RALYL: variants seen among roughly 807,000 people sequenced by gnomAD.
RALYL encodes RNA-binding Raly-like protein.
In RALYL, 29 loss-of-function variants were observed where a neutral mutation model predicts 35.1. The observed-to-expected ratio is 0.83, with a 90% confidence interval of 0.61 to 1.13. RALYL has a LOEUF of 1.13. Ranked by LOEUF, RALYL falls within the 50% of genes most tolerant of loss-of-function variation. RALYL has a pLI of 0.00. For missense variants in RALYL, 359 were observed against 360.4 expected, an observed-to-expected ratio of 1.00 and a Z score of 0.03; for synonymous variants, 120 against 127.6, an observed-to-expected ratio of 0.94 and a Z score of 0.40.
chr8:84,622,573 G>A (rs1171029306), intron 2 of RALYL, among the ~76,000 whole-genome samples: 1 of 152,128 alleles, frequency 6.6e-6, no homozygotes, highest in Non-Finnish European at 1.5e-5. Context: ...CAGGGATCAG[G>A]ACAACGCTCC....
At chr8:84,455,829 T>C (rs1253284129) in intron 1 of RALYL, among the ~76,000 whole-genome samples, 4 of 152,042 alleles carry the variant, frequency 2.6e-5, no homozygotes, top group Non-Finnish European at 5.9e-5. Flanking sequence ...CTTGGGAATT[T>C]ATTTTTCCTG....
At chr8:84,419,561 T>C (rs1185403167) in intron 1 of RALYL, among the ~76,000 whole-genome samples, 1 of 152,116 alleles carries the variant, frequency 6.6e-6, no homozygotes, top group East Asian at 1.9e-4. Flanking sequence ...TTTTTATTAT[T>C]ATACATTAAG....
chr8:84,916,061 T>C (rs1452926988), intron 8 of RALYL, among the ~76,000 whole-genome samples: 1 of 152,076 alleles, frequency 6.6e-6, no homozygotes, highest in Admixed American at 6.6e-5. Context: ...TTTTATTTTC[T>C]TTCCTAAAAC....
chr8:84,449,788 T>C lies in RALYL; in HGVS notation c.-23-79511T>C, dbSNP rs192274959. ...ATTGTATTCCTCTCATCTAATCTTT[T>C]GAATTTGTTCATAATATGAGAAGGC... On this transcript the variant is annotated intron_variant, in intron 1 of 8. Coordinates refer to ENST00000521268, the MANE Select transcript of RALYL (RefSeq NM_173848.7). 5.2e-3 allele frequency among the ~76,000 whole-genome samples: 792 copies of C among 152,216 alleles called. 4 individuals carry two copies. The highest frequency in any genetic ancestry group is 0.018 in the African/African-American group (763 of 41,568).
chr8:84,346,223 C>A, intron 1 of RALYL: 1 of 247,924 alleles, frequency 4.0e-6, no homozygotes, highest in Non-Finnish European at 6.4e-6. Context: ...AAATTGATAA[C>A]CAACATCTGA....
intron 2 of RALYL, among the ~76,000 whole-genome samples, chr8:84,671,677 A>C (rs1169463636): frequency 6.6e-6 from 1 of 152,180 alleles, no homozygotes; most frequent in African/African-American, 2.4e-5. Context: ...CAGTTTAGTC[A>C]AGGCTGGAGC....
chr8:84,689,797 A>C (rs915644561), intron 2 of RALYL, among the ~76,000 whole-genome samples: 1 of 152,060 alleles, frequency 6.6e-6, no homozygotes, highest in Admixed American at 6.6e-5. Flanking sequence ...ATATCTCATT[A>C]TGGTTTTGAT....
chr8:84,719,706 G>A (rs73298135), intron 2 of RALYL, among the ~76,000 whole-genome samples: 3,245 of 152,100 alleles, frequency 0.021, 130 homozygotes, highest in African/African-American at 0.074. Flanking sequence ...GGGTTACAGT[G>A]AGATGTTTTG....
At chr8:84,860,909 A>G (rs1837975183) in intron 5 of RALYL, among the ~76,000 whole-genome samples, 1 of 152,216 alleles carries the variant, frequency 6.6e-6, no homozygotes, top group South Asian at 2.1e-4. Flanking sequence ...ACCTCACAGT[A>G]TAATAGTTTT....
intron 1 of RALYL, among the ~76,000 whole-genome samples, chr8:84,294,293 G>T (rs1389604746): frequency 6.6e-6 from 1 of 152,016 alleles, no homozygotes; most frequent in Admixed American, 6.6e-5. Context: ...AACTAGATGT[G>T]GAATTAGAGG....
In RALYL at chr8:84,478,922, T is replaced by TAAAAAAAAAAA. The variant is rs1587656659; in HGVS notation, c.-23-50372_-23-50371insAAAAAAAAAAA. On this transcript the variant is annotated intron_variant, in intron 1 of 8. Coordinates refer to ENST00000521268, the MANE Select transcript of RALYL (RefSeq NM_173848.7). ...TAACACCGTGAAACCCCGTCTCTAC[T>TAAAAAAAAAAA]AAAAATACAAAACATTAGCCGGGCA... Among the ~76,000 whole-genome samples the TAAAAAAAAAAA allele has an allele frequency of 1.8e-3, 153 of 85,202 alleles. 7 individuals carry two copies. Among genetic ancestry groups the TAAAAAAAAAAA allele is most frequent in the Non-Finnish European group, 2.1e-3 (80 of 37,384 alleles). The allele number at this position is 85,202 out of a possible 152,430, so 55.9% of individuals were successfully genotyped here.
intron 2 of RALYL, among the ~76,000 whole-genome samples, chr8:84,703,708 CAT>C (rs1840627721): frequency 1.3e-5 from 2 of 152,118 alleles, no homozygotes; most frequent in Non-Finnish European, 2.9e-5. Flanking sequence ...CACGTTTATT[CAT>C]ATCATAAATA....
At chr8:84,708,905 A>G (rs1841676401) in intron 2 of RALYL, among the ~76,000 whole-genome samples, 1 of 152,340 alleles carries the variant, frequency 6.6e-6, no homozygotes, top group Non-Finnish European at 1.5e-5. Flanking sequence ...AAAATAGCAC[A>G]ATACCTGTGC....
At chr8:84,356,036 C>A (rs890078066) in intron 1 of RALYL, among the ~76,000 whole-genome samples, 2 of 149,892 alleles carry the variant, frequency 1.3e-5, no homozygotes, top group African/African-American at 2.5e-5. Context: ...GTGTGTGGCA[C>A]TTCCCCCCTT....
intron 1 of RALYL, among the ~76,000 whole-genome samples, chr8:84,393,066 G>A (rs542108730): frequency 3.3e-4 from 50 of 152,118 alleles, no homozygotes; most frequent in Non-Finnish European, 1.5e-4. Context: ...ACAAATTACC[G>A]CAAAGTTTAA....
At chr8:84,685,144 G>A (rs180988778) in intron 2 of RALYL, among the ~76,000 whole-genome samples, 1 of 152,086 alleles carries the variant, frequency 6.6e-6, no homozygotes, top group Admixed American at 6.6e-5. Context: ...CACATTGGAG[G>A]CTGGGGTTTT....
intron 2 of RALYL, among the ~76,000 whole-genome samples, chr8:84,708,574 C>G (rs10097547): frequency 6.6e-6 from 1 of 152,014 alleles, no homozygotes; most frequent in Non-Finnish European, 1.5e-5. Flanking sequence ...TTAAGGAATT[C>G]TAATACATGC....
chr8:84,532,240 T>A (rs1281069749), intron 2 of RALYL, among the ~76,000 whole-genome samples: 2 of 152,152 alleles, frequency 1.3e-5, no homozygotes, highest in East Asian at 3.9e-4. Flanking sequence ...TGTTTGTTTG[T>A]TTTTTACTAT....
chr8:84,604,133 A>G (rs1331370284), intron 2 of RALYL, among the ~76,000 whole-genome samples: 1 of 152,114 alleles, frequency 6.6e-6, no homozygotes, highest in Admixed American at 6.6e-5. Context: ...CTTTTATAAA[A>G]TTGAGTGCGC....
Sources: allele counts gnomAD v4.1 joint callset (sites outside exome capture counted in the v4.1 genomes callset), GRCh38; gene constraint gnomAD v4.1.1; transcripts MANE v1.5; gene names NCBI Gene and HGNC (gene_info 2026-07-23, HGNC 2026-07-21).